SLC18A1: variants seen among roughly 807,000 people sequenced by gnomAD.
SLC18A1 encodes chromaffin granule amine transporter.
In SLC18A1, 69 loss-of-function variants were observed where a neutral mutation model predicts 53.7. The ratio of observed to expected loss-of-function variants is 1.28; its 90% CI spans 1.06 to 1.57. The LOEUF is 1.57. SLC18A1 is among the 40% of genes most tolerant of loss of function. The probability of loss-of-function intolerance (pLI) is 0.00; values close to 1 mark genes in which losing one functional copy is unlikely to be tolerated. For missense variants in SLC18A1, 932 were observed against 668.1 expected (o/e 1.40, Z -4.35); for synonymous variants, 320 against 248.1 (o/e 1.29, Z -2.72).
chr8:20,167,622 GT>G (rs1424113294), intron 8 of SLC18A1, among the ~76,000 whole-genome samples: 7 of 150,864 alleles, frequency 4.6e-5, no homozygotes, highest in Admixed American at 6.6e-5. Context: ...TGTTTTTTTT[GT>G]TTTTTTTGTT....
intron 10 of SLC18A1, among the ~76,000 whole-genome samples, chr8:20,160,782 C>T (rs1415090210): frequency 1.3e-5 from 2 of 152,078 alleles, no homozygotes; most frequent in African/African-American, 4.8e-5. Flanking sequence ...AGCTGGGAAT[C>T]GCAAGTGCAT....
At chr8:20,150,899 A>C (rs2071536266) in intron 10 of SLC18A1, 155 bp from the exon 11 acceptor site, 1 of 653,042 alleles carries the variant, frequency 1.5e-6, no homozygotes, top group Non-Finnish European at 2.8e-6. Context: ...AACCCACAGT[A>C]GTTGCCATAG....
chr8:20,145,739 G>A lies in SLC18A1; in HGVS notation c.*24C>T, dbSNP rs17222127. ...AAAGAGGTGGTCACTGAGGCATCAT[G>A]AATTCAAGGAGCACCTTCTGCTGCT... On this transcript the variant is annotated 3_prime_UTR_variant, in exon 16 of 16. Coordinates refer to ENST00000276373, the MANE Select transcript of SLC18A1 (RefSeq NM_003053.4). The A allele has an allele frequency of 2.0e-6, 3 of 1,493,824 alleles. No individual in the cohort carries two copies. Among genetic ancestry groups the A allele is most frequent in the South Asian group, 2.3e-5 (2 of 85,172 alleles). 92.5% of individuals were successfully genotyped at this position (1,493,824 alleles called of 1,614,324 possible). A position where few individuals can be genotyped will look rare whatever the true frequency, so the allele number is the denominator to read the frequency against.
At chr8:20,177,787 C>A (rs930524446) in intron 4 of SLC18A1, among the ~76,000 whole-genome samples, 12 of 152,152 alleles carry the variant, frequency 7.9e-5, no homozygotes, top group Admixed American at 5.9e-4. Context: ...CCTTTTCATT[C>A]CTTCTTCCTT....
At chr8:20,150,966 T>C in intron 10 of SLC18A1, 1 of 533,114 alleles carries the variant, frequency 1.9e-6, no homozygotes. Flanking sequence ...TCAGTACTTT[T>C]CTTTTTGTTT....
At chr8:20,157,329 G>A (rs750194640) in intron 10 of SLC18A1, among the ~76,000 whole-genome samples, 6 of 152,184 alleles carry the variant, frequency 3.9e-5, no homozygotes, top group African/African-American at 1.4e-4. Context: ...AGAGTTTGGC[G>A]ATCTCTGGTA....
chr8:20,173,283 G>C (rs1403962508), intron 5 of SLC18A1, among the ~76,000 whole-genome samples, 155 bp from the exon 6 acceptor site: 1 of 152,184 alleles, frequency 6.6e-6, no homozygotes, highest in Non-Finnish European at 1.5e-5. Context: ...TATTTTTCAA[G>C]TACTACCCTC....
At chr8:20,170,471 C>T (rs769298653) in intron 8 of SLC18A1, among the ~76,000 whole-genome samples, 12 of 152,122 alleles carry the variant, frequency 7.9e-5, no homozygotes, top group African/African-American at 1.2e-4. Context: ...AAAGTCAAGG[C>T]CTTTAGATCA....
chr8:20,176,942 T>C (rs2072266766), intron 4 of SLC18A1, among the ~76,000 whole-genome samples: 1 of 152,200 alleles, frequency 6.6e-6, no homozygotes, highest in East Asian at 1.9e-4. Flanking sequence ...TCAGTGTGTG[T>C]CTCATGTCTC....
At position 20,145,712 on chromosome 8, in the gene SLC18A1, G is replaced by A. The variant is rs772698365; in HGVS notation, c.*51C>T. 25 of 1,214,034 alleles carry A rather than the reference G, an allele frequency of 2.1e-5. 1 individual carries two copies. In the South Asian group the frequency reaches 3.2e-4, roughly 16 times the overall value. 75.2% of individuals were successfully genotyped at this position (1,214,034 alleles called of 1,614,324 possible). The stretch of plus-strand genomic sequence containing the variant: ...CTCAGCCATGGTGATCTGGTCCCAG[G>A]GAAAGAGGTGGTCACTGAGGCATCA... On this transcript the variant is annotated 3_prime_UTR_variant, in exon 16 of 16. Transcript: ENST00000276373.
intron 10 of SLC18A1, among the ~76,000 whole-genome samples, chr8:20,152,579 T>C (rs1236363517): frequency 6.6e-6 from 1 of 152,064 alleles, no homozygotes; most frequent in Non-Finnish European, 1.5e-5. Flanking sequence ...TAGCTGGAGA[T>C]AGGGAAGACT....
intron 6 of SLC18A1, among the ~76,000 whole-genome samples, chr8:20,171,965 ATT>A (rs2072133497): frequency 6.6e-6 from 1 of 152,226 alleles, no homozygotes; most frequent in African/African-American, 2.4e-5. Context: ...GAGTATGAAT[ATT>A]TGCGAGGAGA....
intron 7 of SLC18A1, 103 bp downstream of exon 7, chr8:20,171,302 C>T: frequency 7.6e-7 from 1 of 1,312,242 alleles, no homozygotes. Context: ...TCCATCAAAA[C>T]ATGTCCAAAC....
In SLC18A1 at chr8:20,179,529, C is replaced by T. The variant is rs908422098; in HGVS notation, c.125-45G>A. On this transcript the variant is annotated intron_variant, in intron 2 of 15. Coordinates refer to ENST00000276373, the MANE Select transcript of SLC18A1 (RefSeq NM_003053.4). ...GGTGATGGGGGCTAAGGACCGATGT[C>T]ATCTTACCACTGAAACTCAAGGGGC... 3 of 1,559,926 alleles carry T rather than the reference C, an allele frequency of 1.9e-6. No individual in the cohort carries two copies. In the African/African-American group the frequency reaches 4.1e-5, roughly 21 times the overall value.
intron 10 of SLC18A1, 80 bp downstream of exon 10, chr8:20,164,789 C>T: frequency 9.5e-7 from 1 of 1,057,774 alleles, no homozygotes; most frequent in Non-Finnish European, 1.4e-6. Flanking sequence ...CATGTTGTCC[C>T]TGTGTGACAT....
chr8:20,171,400 C>A lies in SLC18A1; in HGVS notation c.814+5G>T. 2.5e-6 allele frequency: 4 copies of A among 1,612,002 alleles called. No homozygotes were observed. The highest frequency in any genetic ancestry group is 3.4e-6 in the Non-Finnish European group (4 of 1,178,122). Reference sequence around the variant, plus strand: ...CACCTGCTGGAGGCTCTGATGGTGACTTACCTCCATCCAGTAGTGCCAGGA... The same window carrying A: ...CACCTGCTGGAGGCTCTGATGGTGAATTACCTCCATCCAGTAGTGCCAGGA... On this transcript the variant is annotated splice_donor_5th_base_variant and intron_variant, in intron 7 of 15. Coordinates refer to ENST00000276373, the MANE Select transcript of SLC18A1 (RefSeq NM_003053.4).
At position 20,179,171 on chromosome 8, in the gene SLC18A1, C is replaced by A; in HGVS notation, c.438G>T (p.Lys146Asn). 1 of 1,614,152 alleles carries A rather than the reference C, an allele frequency of 6.2e-7. No homozygotes were observed. Among genetic ancestry groups the A allele is most frequent in the Non-Finnish European group, 8.5e-7 (1 of 1,180,012 alleles). Residue 146 changes from lysine (K) to asparagine (N), a missense_variant, in exon 3 of 16, where the codon AAG (lysine) becomes AAT (asparagine). Coordinates refer to ENST00000276373, the MANE Select transcript of SLC18A1 (RefSeq NM_003053.4). The part of the protein sequence containing the change: ...ITRVGVLFAS[K>N]AVMQLLVNPF... The stretch of plus-strand genomic sequence containing the variant: ...GGTTGACCAGAAGTTGCATCACAGC[C>A]TTTGAAGCAAACAGAACCCCGACCC...
chr8:20,152,361 A>G (rs2071579309), intron 10 of SLC18A1, among the ~76,000 whole-genome samples: 1 of 152,232 alleles, frequency 6.6e-6, no homozygotes, highest in Admixed American at 6.5e-5. Context: ...TTCATGGGAC[A>G]AGAGTGGAAG....
intron 10 of SLC18A1, among the ~76,000 whole-genome samples, chr8:20,159,394 G>GGCT (rs1425544039): frequency 1.3e-5 from 2 of 151,904 alleles, no homozygotes; most frequent in Admixed American, 6.6e-5. Flanking sequence ...TTAAACAAGG[G>GGCT]GCTAGTAACT....
Sources: allele counts gnomAD v4.1 joint callset (sites outside exome capture counted in the v4.1 genomes callset), GRCh38; gene constraint gnomAD v4.1.1; transcripts MANE v1.5; gene names NCBI Gene and HGNC (gene_info 2026-07-23, HGNC 2026-07-21).